ATP9B: variants seen among roughly 807,000 people sequenced by gnomAD.
The protein encoded by ATP9B is probable phospholipid-transporting ATPase IIB.
Under a neutral mutation model 146.1 loss-of-function variants are expected in ATP9B, and 110 were observed. The ratio of observed to expected loss-of-function variants is 0.75; its 90% CI spans 0.65 to 0.88. The LOEUF (loss-of-function observed/expected upper bound fraction) is 0.88, where lower values mean the gene tolerates loss of function less well. ATP9B is among the 40% of genes least tolerant of loss of function. ATP9B has a pLI of 0.00. For synonymous variants in ATP9B, 604 were observed against 569.7 expected (o/e 1.06, Z -0.86); for missense variants, 1,499 against 1,496.4 (o/e 1.00, Z -0.03).
chr18:79,375,800 A>C, intron 29 of ATP9B: 1 of 985,412 alleles, frequency 1.0e-6, no homozygotes, highest in Non-Finnish European at 1.2e-6. Flanking sequence ...TCATACAGAG[A>C]TCCAGCGCTT....
At chr18:79,110,832 T>C (rs905374675) in intron 3 of ATP9B, among the ~76,000 whole-genome samples, 3 of 152,202 alleles carry the variant, frequency 2.0e-5, no homozygotes, top group East Asian at 1.9e-4. Context: ...AAACAAGTTA[T>C]ACGTTTTGTT....
intron 6 of ATP9B, among the ~76,000 whole-genome samples, chr18:79,148,617 A>G (rs2094630408): frequency 6.6e-6 from 1 of 152,156 alleles, no homozygotes; most frequent in South Asian, 2.1e-4. Context: ...AGAATCTATA[A>G]AATACTTAAT....
At position 79,072,566 on chromosome 18, in the gene ATP9B, G is replaced by A. The variant is rs938150583; in HGVS notation, c.119+3037G>A. ...GTCTACTTCTTTCTACACAGACACA[G>A]TAACAATCTGATCTCTCTTTCTTTT... On this transcript the variant is annotated intron_variant, in intron 1 of 29. Transcript: ENST00000426216. Among the ~76,000 whole-genome samples the A allele has an allele frequency of 3.9e-5, 5 of 128,426 alleles. No individual in the cohort carries two copies. The South Asian group carries it at 7.9e-4, about 20-fold the overall frequency. 84.3% of individuals were successfully genotyped at this position (128,426 alleles called of 152,430 possible).
At chr18:79,111,638 G>A (rs1039054284) in intron 3 of ATP9B, among the ~76,000 whole-genome samples, 5 of 152,180 alleles carry the variant, frequency 3.3e-5, no homozygotes, top group East Asian at 1.9e-4. Context: ...AGCAGTGTAC[G>A]TTTTCCTAAA....
intron 15 of ATP9B, among the ~76,000 whole-genome samples, chr18:79,313,501 A>C (rs571275833): frequency 6.6e-6 from 1 of 152,248 alleles, no homozygotes; most frequent in East Asian, 1.9e-4. Context: ...TTTTCCTGCC[A>C]TAAATATGAG....
intron 23 of ATP9B, among the ~76,000 whole-genome samples, chr18:79,346,095 C>G (rs1046682380): frequency 2.0e-5 from 3 of 150,958 alleles, no homozygotes; most frequent in Non-Finnish European, 4.4e-5. Context: ...ACAGCACACA[C>G]TCGGCACACG....
chr18:79,226,738 G>C (rs968971408), intron 11 of ATP9B, among the ~76,000 whole-genome samples: 4 of 152,216 alleles, frequency 2.6e-5, no homozygotes, highest in Non-Finnish European at 5.9e-5. Flanking sequence ...ATAACACACA[G>C]TTTGTGTGGG....
chr18:79,153,021 G>T (rs1328394087), intron 6 of ATP9B, among the ~76,000 whole-genome samples: 3 of 152,058 alleles, frequency 2.0e-5, no homozygotes, highest in African/African-American at 7.2e-5. Flanking sequence ...TTATGTAGAG[G>T]TCTTGCACAT....
chr18:79,122,341 C>G (rs1294056306), intron 4 of ATP9B, among the ~76,000 whole-genome samples: 1 of 152,050 alleles, frequency 6.6e-6, no homozygotes, highest in Non-Finnish European at 1.5e-5. Flanking sequence ...TAGCTGCAGA[C>G]AAGTATATTT....
At chr18:79,265,435 C>T (rs375054281) in intron 12 of ATP9B, among the ~76,000 whole-genome samples, 27 of 152,282 alleles carry the variant, frequency 1.8e-4, no homozygotes, top group Admixed American at 3.3e-4. Flanking sequence ...TGAGCCACCA[C>T]GCCTGGCCCG....
At chr18:79,185,341 A>G (rs2095297553) in intron 8 of ATP9B, among the ~76,000 whole-genome samples, 1 of 98,376 alleles carries the variant, frequency 1.0e-5, no homozygotes, top group Non-Finnish European at 1.9e-5. Context: ...CAATATTATA[A>G]GGATACTTTC....
rs2097108782 is a variant in ATP9B at position 79,377,443 on chromosome 18, G to A, written c.*60G>A. On this transcript the variant is annotated 3_prime_UTR_variant, in exon 30 of 30. Coordinates refer to ENST00000426216, the MANE Select transcript of ATP9B (RefSeq NM_198531.5). ...CCTTCTGCCCTTCCCAGCACCTTGTGCCCTTGCCAGTGAACGCAGGGTTTG... is the reference window on the plus strand; with the variant it reads ...CCTTCTGCCCTTCCCAGCACCTTGTACCCTTGCCAGTGAACGCAGGGTTTG... 1.3e-6 allele frequency: 2 copies of A among 1,577,626 alleles called. No homozygotes were observed. The highest frequency in any genetic ancestry group is 2.3e-5 in the East Asian group (1 of 44,232).
At chr18:79,131,079 T>G (rs2094370141) in intron 5 of ATP9B, among the ~76,000 whole-genome samples, 1 of 152,084 alleles carries the variant, frequency 6.6e-6, no homozygotes, top group Non-Finnish European at 1.5e-5. Flanking sequence ...GAGAATCGCT[T>G]GAACCTGGGA....
intron 6 of ATP9B, chr18:79,144,119 T>C (rs1174991691): frequency 1.8e-5 from 5 of 270,974 alleles, no homozygotes; most frequent in Non-Finnish European, 2.7e-5. Flanking sequence ...ATTATCAAGA[T>C]TATTTTATAT....
At chr18:79,225,543 G>A (rs945526828) in intron 11 of ATP9B, among the ~76,000 whole-genome samples, 1 of 152,258 alleles carries the variant, frequency 6.6e-6, no homozygotes, top group Non-Finnish European at 1.5e-5. Context: ...TTTTGGCCCC[G>A]CAGTTGTAGG....
chr18:79,176,830 A>T lies in ATP9B; in HGVS notation c.796A>T (p.Thr266Ser), dbSNP rs757501045. ...CTTCCAAGGTTCGTGTTTTATTCGA[A>T]CTGATCAACTAGATGGTGAAACTGA... is the stretch of plus-strand genomic sequence containing the variant. ...SEKAGSCFIRTDQLDGETDWK... is the reference protein window; with the variant it reads ...SEKAGSCFIRSDQLDGETDWK... The change falls in exon 8 of 30, where the codon ACT becomes TCT. Residue 266 changes from threonine (T) to serine (S), a missense_variant. Transcript: ENST00000426216. 2 of 1,613,984 alleles carry T rather than the reference A, an allele frequency of 1.2e-6. No individual in the cohort carries two copies. Among genetic ancestry groups the T allele is most frequent in the African/African-American group, 2.7e-5 (2 of 74,898 alleles).
chr18:79,096,436 T>TG (rs771338879), intron 1 of ATP9B, 40 bp from the exon 2 acceptor site: 12 of 1,576,352 alleles, frequency 7.6e-6, no homozygotes. Context: ...TAAAGAAGAC[T>TG]GCTTGGCCTA....
chr18:79,352,388 G>GT (rs2096927174), intron 25 of ATP9B: 1 of 152,194 alleles, frequency 6.6e-6, no homozygotes, highest in Admixed American at 6.5e-5. Flanking sequence ...GGCTCTGTGG[G>GT]TTTATCAGAG....
At chr18:79,231,817 A>G (rs2095796445) in intron 11 of ATP9B, among the ~76,000 whole-genome samples, 2 of 114,136 alleles carry the variant, frequency 1.8e-5, no homozygotes, top group Non-Finnish European at 3.8e-5. Flanking sequence ...CACACACACC[A>G]TGGAATACTG....
Sources: allele counts gnomAD v4.1 joint callset (sites outside exome capture counted in the v4.1 genomes callset), GRCh38; gene constraint gnomAD v4.1.1; transcripts MANE v1.5; gene names NCBI Gene and HGNC (gene_info 2026-07-23, HGNC 2026-07-21).